The following ZNF804A variants were observed in gnomAD, a reference collection of about 807,000 sequenced individuals.
The protein encoded by ZNF804A is zinc finger protein 804A.
In ZNF804A, 2 loss-of-function variants were observed where a neutral mutation model predicts 16.5. The ratio of observed to expected loss-of-function variants is 0.12; its 90% CI spans 0.05 to 0.38. The LOEUF is 0.38. Ranked by LOEUF, ZNF804A falls within the 10% of genes least tolerant of loss-of-function variation. The probability of loss-of-function intolerance (pLI) is 0.99; values close to 1 mark genes in which losing one functional copy is unlikely to be tolerated. For missense variants in ZNF804A, 1,473 were observed against 1,390.7 expected (o/e 1.06, Z -0.94); for synonymous variants, 534 against 489.6 (o/e 1.09, Z -1.20).
intron 2 of ZNF804A, among the ~76,000 whole-genome samples, chr2:184,873,736 A>T (rs1696010375): frequency 6.6e-6 from 1 of 152,192 alleles, no homozygotes; most frequent in Non-Finnish European, 1.5e-5. Context: ...ACATTTTACA[A>T]AAAAGGAAAC....
intron 1 of ZNF804A, among the ~76,000 whole-genome samples, chr2:184,743,200 G>T (rs1378141372): frequency 6.6e-6 from 1 of 151,798 alleles, no homozygotes; most frequent in African/African-American, 2.4e-5. Context: ...CTTTCCTAGT[G>T]CAATAAGCAG....
intron 1 of ZNF804A, among the ~76,000 whole-genome samples, chr2:184,722,444 G>A (rs531113109): frequency 6.6e-6 from 1 of 152,046 alleles, no homozygotes; most frequent in East Asian, 1.9e-4. Context: ...AAAATCTACT[G>A]TGAATGTTTC....
At chr2:184,847,257 G>A (rs979879688) in intron 1 of ZNF804A, among the ~76,000 whole-genome samples, 1 of 151,996 alleles carries the variant, frequency 6.6e-6, no homozygotes, top group Non-Finnish European at 1.5e-5. Flanking sequence ...TGATGGTGTA[G>A]ATGAGTTTGC....
intron 1 of ZNF804A, among the ~76,000 whole-genome samples, chr2:184,735,848 T>C (rs1693598655): frequency 6.6e-6 from 1 of 152,152 alleles, no homozygotes; most frequent in Non-Finnish European, 1.5e-5. Context: ...ACTAAGCATG[T>C]AGAAGTTTGT....
At chr2:184,710,760 G>A (rs188040639) in intron 1 of ZNF804A, among the ~76,000 whole-genome samples, 154 of 151,870 alleles carry the variant, frequency 1.0e-3, no homozygotes, top group African/African-American at 3.5e-3. Flanking sequence ...AAATCATGCA[G>A]TATTTGTCCT....
At chr2:184,851,177 A>C (rs562279788) in intron 1 of ZNF804A, among the ~76,000 whole-genome samples, 1 of 151,750 alleles carries the variant, frequency 6.6e-6, no homozygotes, top group African/African-American at 2.4e-5. Flanking sequence ...ATATACTTTT[A>C]ATTTGTTTGT....
chr2:184,642,035 CAT>C (rs1008378230), intron 1 of ZNF804A, among the ~76,000 whole-genome samples: 72 of 152,278 alleles, frequency 4.7e-4, no homozygotes, highest in African/African-American at 1.4e-3. Flanking sequence ...CACACACACA[CAT>C]GCACACATTT....
intron 1 of ZNF804A, among the ~76,000 whole-genome samples, chr2:184,673,997 G>T (rs1395514768): frequency 6.6e-6 from 1 of 152,008 alleles, no homozygotes; most frequent in South Asian, 2.1e-4. Context: ...TGAAATTGTT[G>T]CAGTTTTATT....
chr2:184,790,947 C>T (rs894418619), intron 1 of ZNF804A, among the ~76,000 whole-genome samples: 2 of 151,994 alleles, frequency 1.3e-5, no homozygotes, highest in African/African-American at 2.4e-5. Context: ...TCTTTTTCTC[C>T]GTGTTGTTGA....
chr2:184,857,279 T>A (rs189315007), intron 1 of ZNF804A, among the ~76,000 whole-genome samples: 1 of 152,256 alleles, frequency 6.6e-6, no homozygotes, highest in Admixed American at 6.5e-5. Flanking sequence ...ATGTATTTCA[T>A]ACTTTCCAAA....
chr2:184,901,798 C>A (rs1332404142), intron 2 of ZNF804A, among the ~76,000 whole-genome samples: 1 of 151,528 alleles, frequency 6.6e-6, no homozygotes, highest in African/African-American at 2.4e-5. Flanking sequence ...AATTATAAAC[C>A]TTGGTCTTAG....
chr2:184,937,432 C>G lies in ZNF804A; in HGVS notation c.2036C>G (p.Thr679Ser), dbSNP rs1451883213. 3 of 1,612,218 alleles carry G rather than the reference C, an allele frequency of 1.9e-6. No individual in the cohort carries two copies. Among genetic ancestry groups the G allele is most frequent in the Non-Finnish European group, 2.5e-6 (3 of 1,179,278 alleles). Residue 679 changes from threonine to serine, a missense_variant, in exon 4 of 4, where the codon ACT becomes AGT. Physicochemically the swap from Thr to Ser is moderately conservative, Grantham distance 58. Coordinates refer to ENST00000302277, the MANE Select transcript of ZNF804A (RefSeq NM_194250.2). ...GAAGAAATGTGTAAAACATGGAATA[C>G]TGAATACAACACTTATGATACTATC... ...DNEEMCKTWN[T>S]EYNTYDTISS...
chr2:184,738,671 G>A (rs1338630433), intron 1 of ZNF804A, among the ~76,000 whole-genome samples: 1 of 152,074 alleles, frequency 6.6e-6, no homozygotes, highest in Non-Finnish European at 1.5e-5. Context: ...GTATCCCAAA[G>A]TATCATCAAA....
chr2:184,711,468 CTG>C (rs1693124947), intron 1 of ZNF804A, among the ~76,000 whole-genome samples: 1 of 151,706 alleles, frequency 6.6e-6, no homozygotes, highest in Non-Finnish European at 1.5e-5. Flanking sequence ...CCTCTGCACT[CTG>C]TTGGTTGTTT....
intron 2 of ZNF804A, among the ~76,000 whole-genome samples, chr2:184,873,415 G>A (rs1270469297): frequency 2.0e-5 from 3 of 152,184 alleles, no homozygotes; most frequent in South Asian, 2.1e-4. Context: ...TTGAGCCTGG[G>A]AGATCGAGGC....
chr2:184,744,845 T>C (rs1292849319), intron 1 of ZNF804A, among the ~76,000 whole-genome samples: 1 of 151,886 alleles, frequency 6.6e-6, no homozygotes, highest in Non-Finnish European at 1.5e-5. Context: ...ATGCAGTTTA[T>C]TTTTTACAAT....
At chr2:184,748,440 C>G (rs1419965769) in intron 1 of ZNF804A, among the ~76,000 whole-genome samples, 5 of 151,396 alleles carry the variant, frequency 3.3e-5, no homozygotes, top group African/African-American at 1.2e-4. Flanking sequence ...TGAGAAGTGT[C>G]TGTTCATGTC....
intron 1 of ZNF804A, among the ~76,000 whole-genome samples, chr2:184,726,829 G>T (rs1693420291): frequency 6.6e-6 from 1 of 151,390 alleles, no homozygotes; most frequent in Non-Finnish European, 1.5e-5. Flanking sequence ...TAACAGTTTT[G>T]ATCTAAAGAT....
At chr2:184,700,803 G>A (rs928294802) in intron 1 of ZNF804A, among the ~76,000 whole-genome samples, 4 of 151,970 alleles carry the variant, frequency 2.6e-5, no homozygotes, top group African/African-American at 4.8e-5. Flanking sequence ...TTTATAAACA[G>A]TAAGTGAATT....
Sources: allele counts gnomAD v4.1 joint callset (sites outside exome capture counted in the v4.1 genomes callset), GRCh38; gene constraint gnomAD v4.1.1; transcripts MANE v1.5; gene names NCBI Gene and HGNC (gene_info 2026-07-23, HGNC 2026-07-21).